MED12L: variants seen among roughly 807,000 people sequenced by gnomAD.
MED12L encodes the protein mediator of RNA polymerase II transcription subunit 12-like protein.
A neutral mutation model predicts 281.3 loss-of-function variants in MED12L; 60 were observed. That is an observed-to-expected ratio of 0.21 (90% CI 0.17 to 0.26). The LOEUF is 0.26. Ranked by LOEUF, MED12L falls within the 10% of genes least tolerant of loss-of-function variation. MED12L has a pLI of 1.00. For missense variants in MED12L, 2,146 were observed against 2,680.9 expected (o/e 0.80, Z 4.41); for synonymous variants, 974 against 987.2 (o/e 0.99, Z 0.25).
chr3:151,169,676 A>G (rs1186718569), intron 11 of MED12L, among the ~76,000 whole-genome samples: 3 of 152,248 alleles, frequency 2.0e-5, no homozygotes, highest in African/African-American at 7.2e-5. Context: ...AATTATTAGT[A>G]TTATACTGGA....
In MED12L at chr3:151,418,102, A is replaced by G. The variant is rs183795062; in HGVS notation, c.6408+1680A>G. Among the ~76,000 whole-genome samples, 4 of 152,334 alleles carry G rather than the reference A, an allele frequency of 2.6e-5. No individual in the cohort carries two copies. The East Asian group carries it at 7.7e-4, about 29-fold the overall frequency. On this transcript the variant is annotated intron_variant, in intron 43 of 44. Transcript: ENST00000687756. Reference sequence around the variant, plus strand: ...TGCAAGAATAGTACAAAGAATTTCCATAAGCCCTTTACCCAGATTTACTAA... The same window carrying G: ...TGCAAGAATAGTACAAAGAATTTCCGTAAGCCCTTTACCCAGATTTACTAA...
At chr3:151,430,260 A>G (rs1442493723) in intron 43 of MED12L, 39 bp from the exon 44 acceptor site, 1 of 1,613,044 alleles carries the variant, frequency 6.2e-7, no homozygotes, top group Non-Finnish European at 8.5e-7. Flanking sequence ...GATTGGCACC[A>G]TGGAATGATT....
chr3:151,304,347 G>A (rs536191871), intron 16 of MED12L, among the ~76,000 whole-genome samples: 2 of 152,296 alleles, frequency 1.3e-5, no homozygotes, highest in East Asian at 3.9e-4. Context: ...GCCGAGGCTG[G>A]TGGATCACCT....
chr3:151,329,604 TATGTA>T, intron 16 of MED12L: 1 of 1,058,308 alleles, frequency 9.4e-7, no homozygotes, highest in Non-Finnish European at 1.4e-6. Flanking sequence ...TATTTTTACT[TATGTA>T]ATGTGACCCA....
chr3:151,324,161 G>A (rs184742672), intron 16 of MED12L, among the ~76,000 whole-genome samples: 2 of 152,318 alleles, frequency 1.3e-5, no homozygotes, highest in Non-Finnish European at 2.9e-5. Context: ...CTTCAGTTTT[G>A]TTCCTATTTT....
chr3:151,091,380 C>CT (rs2148613139), intron 2 of MED12L, among the ~76,000 whole-genome samples: 1 of 152,296 alleles, frequency 6.6e-6, no homozygotes, highest in South Asian at 2.1e-4. Context: ...TGCTGGGTCT[C>CT]TAAGATTCAG....
chr3:151,091,042 A>G (rs1176465940), intron 2 of MED12L, among the ~76,000 whole-genome samples: 1 of 152,220 alleles, frequency 6.6e-6, no homozygotes, highest in Non-Finnish European at 1.5e-5. Flanking sequence ...CTGCATCTCA[A>G]AAACAAAACA....
chr3:151,368,138 C>T lies in MED12L; in HGVS notation c.3449-12C>T. ...TGTTAGAAAACTTGCTTTTCCAATC[C>T]CCCTTTCCTAGCTTGTGGGGATGCG... is the stretch of plus-strand genomic sequence containing the variant. On this transcript the variant is annotated splice_polypyrimidine_tract_variant and intron_variant, in intron 24 of 44. Transcript: ENST00000687756. The T allele has an allele frequency of 1.2e-6, 2 of 1,610,550 alleles. No individual in the cohort carries two copies. Among genetic ancestry groups the T allele is most frequent in the Non-Finnish European group, 1.7e-6 (2 of 1,177,064 alleles).
chr3:151,086,968 G>A lies in MED12L; in HGVS notation c.42G>A (p.Leu14=). Residue 14 remains leucine (L), a synonymous_variant, in exon 2 of 45, where the codon CTG becomes CTA. Coordinates refer to ENST00000687756, the MANE Select transcript of MED12L (RefSeq NM_001393769.1). ...FGLLSYEQRP[L]KRPRLGPPDV... Reference sequence around the variant, plus strand: ...TTCTCAGCTATGAGCAGAGACCGCTGAAGCGCCCCCGGCTCGGGCCGCCCG... The same window carrying A: ...TTCTCAGCTATGAGCAGAGACCGCTAAAGCGCCCCCGGCTCGGGCCGCCCG... The A allele has an allele frequency of 6.2e-7, 1 of 1,610,318 alleles. No homozygotes were observed. Among genetic ancestry groups the A allele is most frequent in the Non-Finnish European group, 8.5e-7 (1 of 1,178,974 alleles).
rs373609506 is a variant in MED12L at position 151,087,160 on chromosome 3, G to T, written c.99+135G>T. 4,955 of 683,254 alleles carry T rather than the reference G, an allele frequency of 7.3e-3. 131 individuals carry two copies. Among genetic ancestry groups the T allele is most frequent in the South Asian group, 0.057 (2,690 of 47,312 alleles). The allele number at this position is 683,254 out of a possible 1,614,324, so 42.3% of individuals were successfully genotyped here. A position where few individuals can be genotyped will look rare whatever the true frequency, so the allele number is the denominator to read the frequency against. ...GAGGGGGATTAGAGGCGGGGGCCAGGCTGGGGGTGCTGGGCGACCCCCCGG... is the reference window on the plus strand; with the variant it reads ...GAGGGGGATTAGAGGCGGGGGCCAGTCTGGGGGTGCTGGGCGACCCCCCGG... On this transcript the variant is annotated intron_variant, in intron 2 of 44. Transcript: ENST00000687756.
At position 151,382,657 on chromosome 3, in the gene MED12L, T is replaced by C; in HGVS notation, c.4592T>C (p.Ile1531Thr). 5.0e-6 allele frequency: 8 copies of C among 1,604,232 alleles called. No individual in the cohort carries two copies. Among genetic ancestry groups the C allele is most frequent in the Non-Finnish European group, 6.8e-6 (8 of 1,175,952 alleles). Residue 1531 changes from isoleucine (I) to threonine (T), a missense_variant and splice_region_variant, in exon 33 of 45, where the codon ATT becomes ACT. Around this residue, in one of 9 missense-constraint regions of MED12L, gnomAD observed 212 missense variants for 340.8 expected, o/e 0.62. Coordinates refer to ENST00000687756, the MANE Select transcript of MED12L (RefSeq NM_001393769.1). ...LTSLQNQVNQ[I>T]LSNWREERYQ... ...GGGGAGTTTTTTTCCGGATCTTAGA[T>C]TTTAAGTAACTGGAGAGAAGAACGA...
intron 16 of MED12L, chr3:151,201,116 T>C (rs1725506391): frequency 6.6e-6 from 1 of 152,226 alleles, no homozygotes; most frequent in Non-Finnish European, 1.5e-5. Flanking sequence ...AATTTTTATG[T>C]AATAAAGCTG....
chr3:151,382,595 A>T (rs1464950576), intron 32 of MED12L, 61 bp from the exon 33 acceptor site: 1 of 1,241,838 alleles, frequency 8.1e-7, no homozygotes, highest in Non-Finnish European at 1.1e-6. Context: ...TATAAAGCTC[A>T]ATTTATCTTT....
rs554032128 is a variant in MED12L, at chr3:151,373,793, C to T, written c.3864+1027C>T. 3.5e-3 allele frequency among the ~76,000 whole-genome samples: 532 copies of T among 152,064 alleles called. 4 individuals are homozygous for T. The highest frequency in any genetic ancestry group is 0.012 in the African/African-American group (517 of 41,482). ...AGTTGGTATTTTCATAGTTTCTGGC[C>T]CATGTTGTACTTTCTCTGCCCCGGG... is the stretch of plus-strand genomic sequence containing the variant. On this transcript the variant is annotated intron_variant, in intron 27 of 44. Transcript: ENST00000687756.
At chr3:151,171,164 G>A (rs1721374929) in intron 11 of MED12L, among the ~76,000 whole-genome samples, 1 of 152,168 alleles carries the variant, frequency 6.6e-6, no homozygotes, top group Admixed American at 6.5e-5. Flanking sequence ...TCTGGGTGAT[G>A]GAGGTGGCAA....
intron 29 of MED12L, 24 bp downstream of exon 29, chr3:151,376,898 C>A: frequency 6.2e-7 from 1 of 1,612,514 alleles, no homozygotes; most frequent in Non-Finnish European, 8.5e-7. Flanking sequence ...GAAAGCTTAT[C>A]TCTGTATGAA....
chr3:151,411,922 C>T (rs541704678), intron 41 of MED12L, among the ~76,000 whole-genome samples: 22 of 152,304 alleles, frequency 1.4e-4, no homozygotes, highest in African/African-American at 4.8e-4. Flanking sequence ...ACTAATTGTG[C>T]ATGGTGCACA....
At chr3:151,329,557 G>A in intron 16 of MED12L, 1 of 1,510,750 alleles carries the variant, frequency 6.6e-7, no homozygotes, top group South Asian at 1.2e-5. Flanking sequence ...AGCATGTGAA[G>A]CAAATGTTCT....
At position 151,376,260 on chromosome 3, in the gene MED12L, G is replaced by A. The variant is rs367563718; in HGVS notation, c.4053+46G>A. The A allele has an allele frequency of 7.3e-5, 97 of 1,323,298 alleles. 1 individual carries two copies. The East Asian group carries it at 1.3e-3, about 18-fold the overall frequency. The allele number at this position is 1,323,298 out of a possible 1,614,324, so 82.0% of individuals were successfully genotyped here. On this transcript the variant is annotated intron_variant, in intron 28 of 44. Transcript: ENST00000687756. ...GTTTCTGTCATTTGATAAATTCTTCGTAATAATAAAAAGAGTTACTTCCTC... is the reference window on the plus strand; with the variant it reads ...GTTTCTGTCATTTGATAAATTCTTCATAATAATAAAAAGAGTTACTTCCTC...
Sources: gnomAD v4.1 joint callset for allele counts (sites outside exome capture counted in the v4.1 genomes callset) on GRCh38, gnomAD v4.1.1 for gene constraint, gnomAD v4.1.1 regional missense constraint, MANE v1.5 for transcripts, NCBI Gene and HGNC (gene_info 2026-07-23, HGNC 2026-07-21) for gene names.